RYR3: variants seen among roughly 807,000 people sequenced by gnomAD.
RYR3 encodes ryanodine receptor 3, also known as brain ryanodine receptor-calcium release channel.
A neutral mutation model predicts 584.3 loss-of-function variants in RYR3; 207 were observed. The ratio of observed to expected loss-of-function variants is 0.35; its 90% CI spans 0.32 to 0.40. The LOEUF (loss-of-function observed/expected upper bound fraction) is 0.40, where lower values mean the gene tolerates loss of function less well. Among genes scored for constraint, RYR3 ranks in the 10% least tolerant of loss-of-function variants. The pLI, the probability that RYR3 is intolerant of heterozygous loss-of-function variation, is 1.00. For synonymous variants in RYR3, 2,416 were observed against 2,248.5 expected, an observed-to-expected ratio of 1.07 and a Z score of -2.11; for missense variants, 5,616 against 6,089.2, an observed-to-expected ratio of 0.92 and a Z score of 2.59.
At chr15:33,702,509 T>C (rs1365239666) in intron 42 of RYR3, among the ~76,000 whole-genome samples, 1 of 152,124 alleles carries the variant, frequency 6.6e-6, no homozygotes, top group Admixed American at 6.5e-5. Context: ...CATGTTTTCC[T>C]CCAAGGAGTG....
intron 5 of RYR3, among the ~76,000 whole-genome samples, chr15:33,535,579 A>G (rs2055257956): frequency 6.6e-6 from 1 of 152,206 alleles, no homozygotes; most frequent in African/African-American, 2.4e-5. Flanking sequence ...ATATAGACCA[A>G]CTGTCAATCC....
chr15:33,316,847 A>T (rs1270656962), intron 1 of RYR3, among the ~76,000 whole-genome samples: 1 of 152,186 alleles, frequency 6.6e-6, no homozygotes, highest in African/African-American at 2.4e-5. Flanking sequence ...CATCTCTAAC[A>T]TGGTCTTTGT....
At chr15:33,853,329 T>TC (rs1383849522) in intron 95 of RYR3, among the ~76,000 whole-genome samples, 2 of 152,232 alleles carry the variant, frequency 1.3e-5, no homozygotes, top group Non-Finnish European at 2.9e-5. Context: ...AGATGTTTTC[T>TC]CCCCTGCAAA....
Position 33,637,989 on chromosome 15 carries a change from T to C in RYR3, c.3556+1439T>C, listed in dbSNP as rs564417721. On this transcript the variant is annotated intron_variant, in intron 27 of 103. Coordinates refer to ENST00000634891, the MANE Select transcript of RYR3 (RefSeq NM_001036.6). ...CACAACAGGCCCCGGTGTGTGATGT[T>C]CCCCTTCCTGTGTTCATGTGTTCTC... Among the ~76,000 whole-genome samples the C allele has an allele frequency of 2.4e-3, 358 of 152,234 alleles. 3 individuals carry two copies. The highest frequency in any genetic ancestry group is 0.021 in the Admixed American group (318 of 15,296).
At chr15:33,800,978 G>A (rs767235234) in intron 68 of RYR3, 121 bp downstream of exon 68, 4 of 732,996 alleles carry the variant, frequency 5.5e-6, no homozygotes, top group Non-Finnish European at 4.8e-6. Flanking sequence ...AGCCACATGT[G>A]AGGACCACGA....
At chr15:33,556,242 T>G (rs1398586101) in intron 10 of RYR3, among the ~76,000 whole-genome samples, 2 of 152,190 alleles carry the variant, frequency 1.3e-5, no homozygotes, top group African/African-American at 4.8e-5. Flanking sequence ...TAAGCATCAA[T>G]TAGAAGCTAC....
intron 3 of RYR3, among the ~76,000 whole-genome samples, chr15:33,519,684 T>G (rs1164623017): frequency 6.6e-6 from 1 of 152,014 alleles, no homozygotes; most frequent in Non-Finnish European, 1.5e-5. Context: ...TTCCGGTCTA[T>G]AGCTGGGATT....
intron 60 of RYR3, among the ~76,000 whole-genome samples, chr15:33,765,050 A>AAAAG (rs56282094): frequency 6.6e-6 from 1 of 150,994 alleles, no homozygotes; most frequent in African/African-American, 2.4e-5. Flanking sequence ...AAAAAAAAAA[A>AAAAG]GACATCATAC....
chr15:33,549,127 C>G (rs907016718), intron 9 of RYR3, among the ~76,000 whole-genome samples: 1 of 152,026 alleles, frequency 6.6e-6, no homozygotes, highest in Admixed American at 6.6e-5. Context: ...TTTTAAGGAG[C>G]GTGCACTTAC....
At chr15:33,568,833 T>C (rs977589864) in intron 12 of RYR3, among the ~76,000 whole-genome samples, 5 of 152,234 alleles carry the variant, frequency 3.3e-5, no homozygotes, top group Middle Eastern at 3.2e-3. Flanking sequence ...CCTATGCTCA[T>C]TGCAGTTTAT....
chr15:33,485,358 A>C (rs929603776), intron 2 of RYR3, among the ~76,000 whole-genome samples: 4 of 152,216 alleles, frequency 2.6e-5, no homozygotes, highest in Admixed American at 6.5e-5. Context: ...ATAGGGTCTT[A>C]GAATGGAAGG....
intron 18 of RYR3, among the ~76,000 whole-genome samples, chr15:33,606,214 A>G (rs746681157): frequency 6.6e-6 from 1 of 152,204 alleles, no homozygotes; most frequent in Non-Finnish European, 1.5e-5. Flanking sequence ...TTCCTCTGAT[A>G]AAATGAGGAT....
At chr15:33,435,396 T>G (rs2045592155) in intron 1 of RYR3, among the ~76,000 whole-genome samples, 1 of 152,230 alleles carries the variant, frequency 6.6e-6, no homozygotes, top group South Asian at 2.1e-4. Context: ...CTCTGTGGCA[T>G]TCCAGTGTAT....
intron 60 of RYR3, among the ~76,000 whole-genome samples, chr15:33,766,465 C>T (rs895265067): frequency 5.3e-5 from 8 of 152,126 alleles, no homozygotes; most frequent in Admixed American, 3.3e-4. Flanking sequence ...GCAGGATGCA[C>T]CAGTGTGTTT....
chr15:33,314,932 A>ACC (rs113648783), intron 1 of RYR3, among the ~76,000 whole-genome samples: 74 of 150,278 alleles, frequency 4.9e-4, no homozygotes, highest in Non-Finnish European at 8.3e-4. Flanking sequence ...CAAACAACAA[A>ACC]AAAAAAAACC....
At chr15:33,569,399 T>C (rs1392238724) in intron 12 of RYR3, among the ~76,000 whole-genome samples, 1 of 152,132 alleles carries the variant, frequency 6.6e-6, no homozygotes, top group African/African-American at 2.4e-5. Flanking sequence ...AAACAAGAAC[T>C]CCCTATTCTC....
intron 12 of RYR3, among the ~76,000 whole-genome samples, chr15:33,573,810 A>G (rs2058159715): frequency 6.6e-6 from 1 of 152,198 alleles, no homozygotes; most frequent in Non-Finnish European, 1.5e-5. Context: ...TTACTCTCTG[A>G]GGTTCTTCTA....
chr15:33,604,195 A>G (rs148107267), intron 18 of RYR3, among the ~76,000 whole-genome samples: 2,229 of 152,360 alleles, frequency 0.015, 33 homozygotes, highest in Non-Finnish European at 0.02. Context: ...TGCCCGTTAC[A>G]TAAGTAACCA....
rs191496245 is a variant in RYR3, at chr15:33,790,183, C to T, written c.9830+1725C>T. 1.6e-3 allele frequency among the ~76,000 whole-genome samples: 241 copies of T among 151,556 alleles called. 2 individuals carry two copies. The highest frequency in any genetic ancestry group is 3.4e-3 in the Middle Eastern group (1 of 294). ...TTTTTATTGTATTTTTTAGTAGAGA[C>T]AGGGTTTCACCATGTTAGCCAGGAT... is the stretch of plus-strand genomic sequence containing the variant. On this transcript the variant is annotated intron_variant, in intron 67 of 103. Transcript: ENST00000634891.
Sources: allele counts gnomAD v4.1 joint callset (sites outside exome capture counted in the v4.1 genomes callset), GRCh38; gene constraint gnomAD v4.1.1; transcripts MANE v1.5; gene names NCBI Gene and HGNC (gene_info 2026-07-23, HGNC 2026-07-21).